Variants in TMEM132D observed in about 807,000 individuals in gnomAD.
The protein encoded by TMEM132D is mature OL transmembrane protein.
TMEM132D carries 21 observed loss-of-function variants against 62.3 expected under a neutral mutation model. The ratio of observed to expected loss-of-function variants is 0.34; its 90% CI spans 0.24 to 0.49. The LOEUF is 0.49. TMEM132D is among the 20% of genes least tolerant of loss of function. TMEM132D has a pLI of 0.99. For synonymous variants in TMEM132D, 621 were observed against 575.6 expected (o/e 1.08, Z -1.13); for missense variants, 1,346 against 1,402.8 (o/e 0.96, Z 0.65).
At chr12:129,425,925 G>A (rs1029832407) in intron 3 of TMEM132D, among the ~76,000 whole-genome samples, 11 of 152,328 alleles carry the variant, frequency 7.2e-5, no homozygotes, top group African/African-American at 2.2e-4. Context: ...GTTTTATCAC[G>A]AAAGCTTTGG....
At chr12:129,281,844 C>T (rs755364367) in intron 4 of TMEM132D, among the ~76,000 whole-genome samples, 3 of 152,172 alleles carry the variant, frequency 2.0e-5, no homozygotes, top group Non-Finnish European at 4.4e-5. Context: ...CAAACCTCCT[C>T]AAACTACCGC....
chr12:129,489,579 C>T (rs188630577), intron 3 of TMEM132D, among the ~76,000 whole-genome samples: 7 of 152,300 alleles, frequency 4.6e-5, no homozygotes, highest in African/African-American at 1.7e-4. Context: ...GTTATTTGGC[C>T]TTGGCCTTTT....
At chr12:129,399,115 C>T (rs1871522759) in intron 3 of TMEM132D, among the ~76,000 whole-genome samples, 1 of 152,038 alleles carries the variant, frequency 6.6e-6, no homozygotes, top group South Asian at 2.1e-4. Flanking sequence ...TATCAGGAGC[C>T]CATTCCAGTG....
chr12:129,291,318 T>C (rs886758964), intron 4 of TMEM132D, among the ~76,000 whole-genome samples: 2 of 152,236 alleles, frequency 1.3e-5, no homozygotes, highest in African/African-American at 4.8e-5. Context: ...AGGCAGCTTG[T>C]AGGTTAAAAG....
chr12:129,254,944 G>T (rs1232961303), intron 4 of TMEM132D, among the ~76,000 whole-genome samples: 1 of 152,184 alleles, frequency 6.6e-6, no homozygotes, highest in African/African-American at 2.4e-5. Context: ...CAGAGTTGGA[G>T]GTAGAGCCTG....
chr12:129,215,694 T>G (rs1198739505), intron 4 of TMEM132D, among the ~76,000 whole-genome samples: 1 of 152,184 alleles, frequency 6.6e-6, no homozygotes. Context: ...TCTCTTGGAT[T>G]GTGCATTAGT....
intron 3 of TMEM132D, among the ~76,000 whole-genome samples, chr12:129,507,221 T>C (rs1232308109): frequency 1.3e-5 from 2 of 152,198 alleles, no homozygotes; most frequent in African/African-American, 4.8e-5. Flanking sequence ...TAGATGTTGG[T>C]GTGGAAGTGG....
intron 1 of TMEM132D, among the ~76,000 whole-genome samples, chr12:129,732,185 G>T (rs1298634736): frequency 3.3e-5 from 5 of 152,110 alleles, no homozygotes; most frequent in Admixed American, 2.0e-4. Flanking sequence ...ATCGCATGGG[G>T]AAGCCACATG....
intron 4 of TMEM132D, among the ~76,000 whole-genome samples, chr12:129,227,853 G>A (rs956524406): frequency 6.6e-6 from 1 of 152,026 alleles, no homozygotes; most frequent in Non-Finnish European, 1.5e-5. Context: ...GCGGTGTTTG[G>A]TTTTTTGTCC....
chr12:129,349,763 C>T (rs895992769), intron 3 of TMEM132D, among the ~76,000 whole-genome samples: 2 of 152,166 alleles, frequency 1.3e-5, no homozygotes, highest in East Asian at 3.9e-4. Flanking sequence ...TGGATCAAGG[C>T]TTTTCCTATC....
At chr12:129,649,833 TG>T (rs1159435784) in intron 2 of TMEM132D, among the ~76,000 whole-genome samples, 2 of 151,374 alleles carry the variant, frequency 1.3e-5, no homozygotes, top group Non-Finnish European at 3.0e-5. Flanking sequence ...TGTGCGTATG[TG>T]CATGTATTTG....
At position 129,309,543 on chromosome 12, in the gene TMEM132D, G is replaced by C. The variant is rs368157618; in HGVS notation, c.1299+28091C>G. Reference sequence around the variant, plus strand: ...TGATTGCTTTTAAAGATCCTATGTAGACAGTTATCCAGCCTACAGTCCCAT... The same window carrying C: ...TGATTGCTTTTAAAGATCCTATGTACACAGTTATCCAGCCTACAGTCCCAT... On this transcript the variant is annotated intron_variant, in intron 4 of 8. Coordinates refer to ENST00000422113, the MANE Select transcript of TMEM132D (RefSeq NM_133448.3). Among the ~76,000 whole-genome samples, 6 of 152,122 alleles carry C rather than the reference G, an allele frequency of 3.9e-5. No homozygotes were observed. In the East Asian group the frequency reaches 5.8e-4, roughly 15 times the overall value.
intron 4 of TMEM132D, among the ~76,000 whole-genome samples, chr12:129,311,646 G>A (rs1370406499): frequency 6.6e-6 from 1 of 152,188 alleles, no homozygotes; most frequent in Non-Finnish European, 1.5e-5. Context: ...CACATGACGG[G>A]AAATACAATG....
intron 1 of TMEM132D, among the ~76,000 whole-genome samples, chr12:129,724,866 C>T (rs1037888016): frequency 9.9e-5 from 15 of 152,134 alleles, no homozygotes; most frequent in Non-Finnish European, 1.9e-4. Flanking sequence ...TTTCTTACAG[C>T]GGCAATAGGA....
In TMEM132D at chr12:129,719,593, A is replaced by G. The variant is rs149465020; in HGVS notation, c.80-18895T>C. ...CATTTCTGGCCTTGAGAAATGGCCA[A>G]TTGTTTCCCATATGGAAAACTCTTC... is the stretch of plus-strand genomic sequence containing the variant. On this transcript the variant is annotated intron_variant, in intron 1 of 8. Coordinates refer to ENST00000422113, the MANE Select transcript of TMEM132D (RefSeq NM_133448.3). Among the ~76,000 whole-genome samples the G allele has an allele frequency of 3.3e-5, 5 of 152,362 alleles. No individual in the cohort carries two copies. The East Asian group carries it at 7.7e-4, about 24-fold the overall frequency.
intron 2 of TMEM132D, among the ~76,000 whole-genome samples, chr12:129,633,456 A>T (rs887797927): frequency 3.3e-5 from 5 of 152,218 alleles, no homozygotes; most frequent in African/African-American, 4.8e-5. Context: ...ACATAAGTAG[A>T]ACCAAATTCC....
intron 4 of TMEM132D, among the ~76,000 whole-genome samples, chr12:129,257,207 T>TC (rs1230019261): frequency 4.1e-5 from 5 of 123,326 alleles, no homozygotes; most frequent in African/African-American, 1.4e-4. Flanking sequence ...TTTCTTTCTT[T>TC]TTTTTTTTTT....
chr12:129,463,619 C>A (rs980730246), intron 3 of TMEM132D, among the ~76,000 whole-genome samples: 1 of 151,186 alleles, frequency 6.6e-6, no homozygotes, highest in African/African-American at 2.4e-5. Context: ...TGCCATCCCT[C>A]CCCGCTCCCC....
chr12:129,255,635 A>G (rs1451998355), intron 4 of TMEM132D, among the ~76,000 whole-genome samples: 3 of 152,162 alleles, frequency 2.0e-5, no homozygotes, highest in Non-Finnish European at 4.4e-5. Context: ...ATACCTGGCA[A>G]TCTTATGACT....
Sources: allele counts gnomAD v4.1 joint callset (sites outside exome capture counted in the v4.1 genomes callset), GRCh38; gene constraint gnomAD v4.1.1; transcripts MANE v1.5; gene names NCBI Gene and HGNC (gene_info 2026-07-23, HGNC 2026-07-21).